Variants in GPM6B observed in about 807,000 individuals in gnomAD.
GPM6B encodes glycoprotein M6B.
A neutral mutation model predicts 27.2 loss-of-function variants in GPM6B; 4 were observed. The ratio of observed to expected loss-of-function variants is 0.15; its 90% CI spans 0.07 to 0.34. The LOEUF is 0.34. Ranked by LOEUF, GPM6B falls within the 10% of genes least tolerant of loss-of-function variation. GPM6B has a pLI of 1.00. For synonymous variants in GPM6B, 124 were observed against 103.1 expected, an observed-to-expected ratio of 1.20 and a Z score of -1.23; for missense variants, 183 against 261.9, an observed-to-expected ratio of 0.70 and a Z score of 2.08.
At chrX:13,873,676 T>C (rs2050003449) in intron 1 of GPM6B, among the ~76,000 whole-genome samples, 2 of 111,722 alleles carry the variant, frequency 1.8e-5, no homozygotes, top group Non-Finnish European at 1.9e-5. Flanking sequence ...GCCTGGCATA[T>C]GGTAAGCCCT....
At chrX:13,862,492 A>G (rs1216321907) in intron 1 of GPM6B, among the ~76,000 whole-genome samples, 1 of 111,611 alleles carries the variant, frequency 9.0e-6, no homozygotes, top group Non-Finnish European at 1.9e-5. Context: ...CTTCCGCTTT[A>G]AATCCCAAAC....
At chrX:13,931,676 G>T (rs772575250) in intron 1 of GPM6B, among the ~76,000 whole-genome samples, 25 of 110,906 alleles carry the variant, frequency 2.3e-4, no homozygotes, top group African/African-American at 7.5e-4. Context: ...ATGAAACAAT[G>T]GACTTACAAA....
rs773683066 is a variant in GPM6B, at chrX:13,840,900, G to A, written c.-197-55092C>T. Among the ~76,000 whole-genome samples the A allele has an allele frequency of 7.2e-5, 8 of 111,783 alleles. 1 individual carries two copies. The South Asian group carries it at 3.0e-3, about 42-fold the overall frequency. On this transcript the variant is annotated intron_variant, in intron 1 of 6. Transcript: ENST00000398361. ...TGAAGGGAAGCACAAAGGAGGTGTC[G>A]GATAGGGACAGAGAAGATGAATTCA... is the stretch of plus-strand genomic sequence containing the variant.
chrX:13,830,086 A>T, intron 1 of GPM6B, among the ~76,000 whole-genome samples: 1 of 111,558 alleles, frequency 9.0e-6, no homozygotes, highest in East Asian at 2.8e-4. Context: ...TGATGCACGC[A>T]TGTGAGCAAA....
At chrX:13,831,729 A>G (rs753290221) in intron 1 of GPM6B, among the ~76,000 whole-genome samples, 1 of 111,931 alleles carries the variant, frequency 8.9e-6, no homozygotes, top group Admixed American at 9.5e-5. Context: ...CTCAGCCTTG[A>G]TCTTACTAAC....
intron 1 of GPM6B, among the ~76,000 whole-genome samples, chrX:13,872,343 T>A (rs1242318588): frequency 9.1e-6 from 1 of 109,811 alleles, no homozygotes; most frequent in African/African-American, 3.3e-5. Context: ...GCTATTTTTT[T>A]ATTTTTTGTA....
intron 1 of GPM6B, among the ~76,000 whole-genome samples, chrX:13,856,343 C>T (rs1209045425): frequency 9.0e-6 from 1 of 111,420 alleles, no homozygotes; most frequent in Non-Finnish European, 1.9e-5. Context: ...CAATGAATAC[C>T]TCCTCCAGAG....
intron 1 of GPM6B, among the ~76,000 whole-genome samples, chrX:13,891,426 AC>A (rs199830988): frequency 0.032 from 3,531 of 110,455 alleles, 154 homozygotes; most frequent in African/African-American, 0.11. Context: ...CCAAAAAAAA[AC>A]CAAACAACAA....
chrX:13,835,675 C>T (rs2049487404), intron 1 of GPM6B, among the ~76,000 whole-genome samples: 1 of 112,034 alleles, frequency 8.9e-6, no homozygotes, highest in Admixed American at 9.5e-5. Flanking sequence ...TTAAATACAA[C>T]ATGTAGATAA....
intron 1 of GPM6B, among the ~76,000 whole-genome samples, chrX:13,884,564 T>C (rs1436479504): frequency 1.8e-5 from 2 of 112,416 alleles, no homozygotes; most frequent in Non-Finnish European, 3.7e-5. Flanking sequence ...AAAATGTTTT[T>C]AAGGACCTAT....
At chrX:13,832,105 T>G (rs962045418) in intron 1 of GPM6B, among the ~76,000 whole-genome samples, 1 of 111,581 alleles carries the variant, frequency 9.0e-6, no homozygotes, top group Non-Finnish European at 1.9e-5. Flanking sequence ...AGGCTATTGA[T>G]AGACTAGGAG....
At chrX:13,891,204 G>A (rs2050185246) in intron 1 of GPM6B, among the ~76,000 whole-genome samples, 1 of 111,304 alleles carries the variant, frequency 9.0e-6, no homozygotes, top group Non-Finnish European at 1.9e-5. Context: ...GGTGGTCCAT[G>A]GCCCAGTAGT....
At chrX:13,837,415 G>A (rs374171421) in intron 1 of GPM6B, among the ~76,000 whole-genome samples, 13 of 111,570 alleles carry the variant, frequency 1.2e-4, no homozygotes, top group Non-Finnish European at 2.1e-4. Context: ...TTGTGGCAGT[G>A]CCTGGGGGAA....
chrX:13,800,545 C>G (rs766692947), intron 2 of GPM6B, among the ~76,000 whole-genome samples: 13 of 112,225 alleles, frequency 1.2e-4, no homozygotes, highest in African/African-American at 3.9e-4. Context: ...GTGGCAATAG[C>G]GAAACATTAC....
intron 1 of GPM6B, among the ~76,000 whole-genome samples, chrX:13,851,439 G>T (rs1228315658): frequency 9.0e-6 from 1 of 111,008 alleles, no homozygotes; most frequent in South Asian, 3.8e-4. Flanking sequence ...CACCTTACAC[G>T]CTGCCTGACA....
intron 2 of GPM6B, among the ~76,000 whole-genome samples, chrX:13,793,076 A>G (rs773592822): frequency 9.1e-6 from 1 of 109,474 alleles, no homozygotes; most frequent in Non-Finnish European, 1.9e-5. Flanking sequence ...GGAATTCAGG[A>G]AAAGCCAACC....
intron 3 of GPM6B, among the ~76,000 whole-genome samples, chrX:13,784,464 T>C (rs905069942): frequency 8.9e-6 from 1 of 111,833 alleles, no homozygotes; most frequent in Non-Finnish European, 1.9e-5. Flanking sequence ...TGTGAACAGA[T>C]AAGAAAGAAT....
intron 1 of GPM6B, among the ~76,000 whole-genome samples, chrX:13,836,006 C>A (rs1210256518): frequency 4.5e-5 from 5 of 112,254 alleles, no homozygotes; most frequent in Non-Finnish European, 9.4e-5. Context: ...AAAGCTGACT[C>A]AAACAAATGC....
At chrX:13,906,160 C>T (rs1180770444) in intron 1 of GPM6B, among the ~76,000 whole-genome samples, 1 of 112,343 alleles carries the variant, frequency 8.9e-6, no homozygotes, top group African/African-American at 3.2e-5. Context: ...TTTTTCTTCA[C>T]CCCCTTTCAC....
Sources: gnomAD v4.1 joint callset for allele counts (sites outside exome capture counted in the v4.1 genomes callset) on GRCh38, gnomAD v4.1.1 for gene constraint, MANE v1.5 for transcripts, NCBI Gene and HGNC (gene_info 2026-07-23, HGNC 2026-07-21) for gene names.